FAM3C: variants seen among roughly 807,000 people sequenced by gnomAD.
FAM3C encodes the protein protein FAM3C.
A neutral mutation model predicts 32.5 loss-of-function variants in FAM3C; 15 were observed. The observed-to-expected ratio is 0.46, with a 90% CI of 0.31 to 0.71. The LOEUF (loss-of-function observed/expected upper bound fraction) is 0.71, where lower values mean the gene tolerates loss of function less well. FAM3C is among the 30% of genes least tolerant of loss of function. FAM3C has a pLI of 0.05. For missense variants in FAM3C, 175 were observed against 274.4 expected (o/e 0.64, Z 2.56); for synonymous variants, 75 against 86.1 (o/e 0.87, Z 0.72).
At chr7:121,369,653 C>T (rs962001363) in intron 5 of FAM3C, among the ~76,000 whole-genome samples, 1 of 152,166 alleles carries the variant, frequency 6.6e-6, no homozygotes, top group South Asian at 2.1e-4. Context: ...ATGCACTGTT[C>T]GCTTTCTGAC....
intron 3 of FAM3C, among the ~76,000 whole-genome samples, chr7:121,372,996 A>C (rs1036140188): frequency 6.6e-6 from 1 of 152,194 alleles, no homozygotes; most frequent in South Asian, 2.1e-4. Flanking sequence ...AAGTAAATAA[A>C]AGCTCATTAA....
At chr7:121,373,904 G>A (rs1009456095) in intron 3 of FAM3C, among the ~76,000 whole-genome samples, 2 of 151,204 alleles carry the variant, frequency 1.3e-5, no homozygotes, top group African/African-American at 2.4e-5. Flanking sequence ...GGTGGGCAGG[G>A]AGAATGGCGT....
intron 1 of FAM3C, among the ~76,000 whole-genome samples, chr7:121,385,478 A>G (rs1454557373): frequency 6.6e-6 from 1 of 152,196 alleles, no homozygotes; most frequent in Non-Finnish European, 1.5e-5. Flanking sequence ...GAGCGCCTGA[A>G]CTAGGGCCTC....
Position 121,362,958 on chromosome 7 carries a change from T to A in FAM3C, c.332-11A>T. The A allele has an allele frequency of 7.6e-7, 1 of 1,320,104 alleles. No homozygotes were observed. 81.8% of individuals were successfully genotyped at this position (1,320,104 alleles called of 1,614,324 possible). ...CTTCTCCTGTTTTTCCTAAAAGAGATTAAATTCATATCAAATTATGCATCT... is the reference window on the plus strand; with the variant it reads ...CTTCTCCTGTTTTTCCTAAAAGAGAATAAATTCATATCAAATTATGCATCT... On this transcript the variant is annotated splice_polypyrimidine_tract_variant and intron_variant, in intron 6 of 9. Coordinates refer to ENST00000359943, the MANE Select transcript of FAM3C (RefSeq NM_014888.3).
At chr7:121,385,424 A>G (rs905040146) in intron 1 of FAM3C, among the ~76,000 whole-genome samples, 2 of 152,334 alleles carry the variant, frequency 1.3e-5, no homozygotes, top group South Asian at 2.1e-4. Flanking sequence ...CAGCAAGGAC[A>G]GCCACCACAA....
At chr7:121,362,587 C>T (rs1267284265) in intron 7 of FAM3C, 1 of 289,362 alleles carries the variant, frequency 3.5e-6, no homozygotes, top group Non-Finnish European at 6.3e-6. Flanking sequence ...ATTTTAGACA[C>T]ACTTAAAGGA....
At chr7:121,382,020 G>GA (rs1794367445) in intron 2 of FAM3C, among the ~76,000 whole-genome samples, 1 of 152,082 alleles carries the variant, frequency 6.6e-6, no homozygotes, top group Admixed American at 6.6e-5. Context: ...CTGCTGAGAT[G>GA]ACAATTAAGA....
chr7:121,386,711 A>ATG (rs1491463656), intron 1 of FAM3C, among the ~76,000 whole-genome samples: 3 of 146,960 alleles, frequency 2.0e-5, no homozygotes, highest in Non-Finnish European at 3.0e-5. Flanking sequence ...ATATATATAT[A>ATG]TGTAATTGGT....
At position 121,364,113 on chromosome 7, in the gene FAM3C, A is replaced by G. The variant is rs748108447; in HGVS notation, c.331+17T>C. 5.9e-6 allele frequency: 9 copies of G among 1,538,420 alleles called. No homozygotes were observed. The Admixed American group carries it at 1.0e-4, about 17-fold the overall frequency. ...TACCCAATGATTACATCCATAAGCT[A>G]AAATAATTGTTCTTACCATTTGCCA... is the stretch of plus-strand genomic sequence containing the variant. On this transcript the variant is annotated intron_variant, in intron 6 of 9. Coordinates refer to ENST00000359943, the MANE Select transcript of FAM3C (RefSeq NM_014888.3).
chr7:121,377,483 G>GT (rs760372341), intron 3 of FAM3C, among the ~76,000 whole-genome samples: 1 of 152,106 alleles, frequency 6.6e-6, no homozygotes, highest in Non-Finnish European at 1.5e-5. Context: ...AGGGTTTATA[G>GT]TATCACTTTT....
At chr7:121,356,651 C>T (rs962370825) in intron 8 of FAM3C, among the ~76,000 whole-genome samples, 2 of 152,162 alleles carry the variant, frequency 1.3e-5, no homozygotes, top group Non-Finnish European at 2.9e-5. Flanking sequence ...GAGAATCTTG[C>T]CCAGGCTCCA....
chr7:121,395,210 C>T (rs761206858), intron 1 of FAM3C, among the ~76,000 whole-genome samples: 6 of 146,984 alleles, frequency 4.1e-5, no homozygotes, highest in Admixed American at 1.3e-4. Context: ...TACATATATA[C>T]GGATACATAC....
At chr7:121,385,812 A>G (rs1175116241) in intron 1 of FAM3C, among the ~76,000 whole-genome samples, 1 of 152,196 alleles carries the variant, frequency 6.6e-6, no homozygotes, top group African/African-American at 2.4e-5. Flanking sequence ...ACCAAGTATG[A>G]ATACATACTT....
At position 121,387,977 on chromosome 7, in the gene FAM3C, T is replaced by C. The variant is rs553174567; in HGVS notation, c.-41-4967A>G. On this transcript the variant is annotated intron_variant, in intron 1 of 9. Transcript: ENST00000359943. The stretch of plus-strand genomic sequence containing the variant: ...AACTATACACACATCTTTGCAAAGC[T>C]GGCTACATTTTTGAAATAACAAAAT... Among the ~76,000 whole-genome samples, 7 of 152,198 alleles carry C rather than the reference T, an allele frequency of 4.6e-5. No individual in the cohort carries two copies. In the South Asian group the frequency reaches 1.4e-3, roughly 32 times the overall value.
chr7:121,350,862 A>G (rs1793689425), intron 9 of FAM3C, among the ~76,000 whole-genome samples: 1 of 152,212 alleles, frequency 6.6e-6, no homozygotes, highest in Non-Finnish European at 1.5e-5. Context: ...AAGCTCAATT[A>G]AAATCCTTAA....
chr7:121,376,305 A>C (rs1794237207), intron 3 of FAM3C, among the ~76,000 whole-genome samples: 1 of 152,216 alleles, frequency 6.6e-6, no homozygotes. Flanking sequence ...GGATTCTGTT[A>C]CTGGAAAAGA....
Position 121,371,441 on chromosome 7 carries a change from T to A in FAM3C, c.149-18A>T, listed in dbSNP as rs1689400492. On this transcript the variant is annotated intron_variant, in intron 4 of 9. Transcript: ENST00000359943. ...CTTTGTAGCTTTGGGGGAGAAAACA[T>A]GATGTCTTTTTTTAGAAAACAAGTT... The A allele has an allele frequency of 6.2e-7, 1 of 1,611,464 alleles. No individual in the cohort carries two copies. Among genetic ancestry groups the A allele is most frequent in the Non-Finnish European group, 8.5e-7 (1 of 1,178,144 alleles).
chr7:121,385,528 A>ATCCC (rs1794449197), intron 1 of FAM3C, among the ~76,000 whole-genome samples: 1 of 152,180 alleles, frequency 6.6e-6, no homozygotes, highest in Non-Finnish European at 1.5e-5. Context: ...TTGACAATTT[A>ATCCC]AACATTCCTT....
rs530652150 is a variant in FAM3C at position 121,381,959 on chromosome 7, T to C, written c.13+998A>G. The stretch of plus-strand genomic sequence containing the variant: ...ATGAAGACTGGTTTGTTCACCCAGC[T>C]TGACTTTAGGCATTTCTAAGAGATG... On this transcript the variant is annotated intron_variant, in intron 2 of 9. Transcript: ENST00000359943. Among the ~76,000 whole-genome samples, 5 of 152,308 alleles carry C rather than the reference T, an allele frequency of 3.3e-5. No individual in the cohort carries two copies. In the South Asian group the frequency reaches 8.3e-4, roughly 25 times the overall value.
Sources: allele counts gnomAD v4.1 joint callset (sites outside exome capture counted in the v4.1 genomes callset), GRCh38; gene constraint gnomAD v4.1.1; transcripts MANE v1.5; gene names NCBI Gene and HGNC (gene_info 2026-07-23, HGNC 2026-07-21).